Variants in CELF2 observed in about 807,000 individuals in gnomAD.
CELF2 encodes the protein CUG triplet repeat RNA-binding protein 2.
In CELF2, 8 loss-of-function variants were observed where a neutral mutation model predicts 62.6. The ratio of observed to expected loss-of-function variants is 0.13; its 90% CI spans 0.07 to 0.23. The LOEUF (loss-of-function observed/expected upper bound fraction) is 0.23, where lower values mean the gene tolerates loss of function less well. Ranked by LOEUF, CELF2 falls within the 10% of genes least tolerant of loss-of-function variation. The probability of loss-of-function intolerance (pLI) is 1.00; values close to 1 mark genes in which losing one functional copy is unlikely to be tolerated. For missense variants in CELF2, 333 were observed against 671.0 expected (o/e 0.50, Z 5.56); for synonymous variants, 258 against 250.0 (o/e 1.03, Z -0.30).
chr10:10,546,500 T>G, the CELF2 span, among the ~76,000 whole-genome samples: 6 of 152,314 alleles, frequency 3.9e-5, no homozygotes, highest in Middle Eastern at 3.4e-3. Context: ...GTCTTTAACA[T>G]GTAAACCAAC....
chr10:10,700,938 C>G, the CELF2 span, among the ~76,000 whole-genome samples: 2 of 152,208 alleles, frequency 1.3e-5, no homozygotes, highest in Non-Finnish European at 2.9e-5. Flanking sequence ...CTCTGACTCT[C>G]CTACGCCTCC....
upstream of CELF2, among the ~76,000 whole-genome samples, chr10:10,796,317 G>A (rs540494238): frequency 1.1e-4 from 17 of 152,290 alleles, no homozygotes; most frequent in South Asian, 4.1e-4. Flanking sequence ...AATTAGAACC[G>A]TTCCTAGTAC....
At chr10:11,111,549 T>G (rs2055168634) in intron 1 of CELF2, among the ~76,000 whole-genome samples, 1 of 152,236 alleles carries the variant, frequency 6.6e-6, no homozygotes, top group African/African-American at 2.4e-5. Context: ...GATTTATGTT[T>G]CTTTTTTTTT....
rs2094533903 is a variant in CELF2 at position 11,311,004 on chromosome 10, G to A, written c.977-3135G>A. Among the ~76,000 whole-genome samples, 3 of 152,112 alleles carry A rather than the reference G, an allele frequency of 2.0e-5. No individual in the cohort carries two copies. Among genetic ancestry groups the A allele is most frequent in the African/African-American group, 7.2e-5 (3 of 41,404 alleles). ...GTGAACCGAATAAATTCTAATAACT[G>A]TTCGCACAGCTTTCCCAACCATAAG... is the stretch of plus-strand genomic sequence containing the variant. On this transcript the variant is annotated intron_variant, in intron 9 of 12. Coordinates refer to ENST00000633077, the MANE Select transcript of CELF2 (RefSeq NM_001326342.2). The surrounding 1 kb of genome is among the most constrained non-coding windows in gnomAD (Gnocchi z 4.7).
rs1327064990 is a variant in CELF2, at chr10:11,178,649, G to A, written c.271+12967G>A. ...AAATAAATGTGTGACAGCTTAAGAG[G>A]CGAAAAGAAGAGTCTTCGTCAAATG... On this transcript the variant is annotated intron_variant, in intron 2 of 12. Coordinates refer to ENST00000633077, the MANE Select transcript of CELF2 (RefSeq NM_001326342.2). The surrounding 1 kb of genome is among the most constrained non-coding windows in gnomAD (Gnocchi z 4.3). 1.3e-5 allele frequency among the ~76,000 whole-genome samples: 2 copies of A among 152,194 alleles called. No homozygotes were observed. Among genetic ancestry groups the A allele is most frequent in the East Asian group, 1.9e-4 (1 of 5,198 alleles).
At position 11,324,972 on chromosome 10, in the gene CELF2, A is replaced by G. The variant is rs2095646854; in HGVS notation, c.1295-864A>G. ...AGCCAGCCCTCATCTCCCTCAGCTC[A>G]TATTTATGCCCTTTTGTGCCGCTTT... On this transcript the variant is annotated intron_variant, in intron 11 of 12. Transcript: ENST00000633077. The surrounding 1 kb of genome is among the most constrained non-coding windows in gnomAD (Gnocchi z 4.7). Among the ~76,000 whole-genome samples the G allele has an allele frequency of 6.6e-6, 1 of 152,072 alleles. No homozygotes were observed. Among genetic ancestry groups the G allele is most frequent in the Non-Finnish European group, 1.5e-5 (1 of 68,018 alleles).
the CELF2 span, among the ~76,000 whole-genome samples, chr10:10,735,037 G>A: frequency 3.9e-5 from 6 of 152,182 alleles, no homozygotes; most frequent in African/African-American, 1.2e-4. Context: ...GGTATTTTGG[G>A]AAATTCATCT....
At chr10:10,576,611 A>G in the CELF2 span, among the ~76,000 whole-genome samples, 3 of 152,068 alleles carry the variant, frequency 2.0e-5, no homozygotes, top group Non-Finnish European at 4.4e-5. Flanking sequence ...CCACCATTGT[A>G]CTTTTACCCA....
the CELF2 span, among the ~76,000 whole-genome samples, chr10:10,504,125 CT>C: frequency 6.6e-6 from 1 of 152,056 alleles, no homozygotes; most frequent in Non-Finnish European, 1.5e-5. Context: ...ATTTTTAAAA[CT>C]TAAGGAAATC....
Position 11,305,370 on chromosome 10 carries a change from GC to G in CELF2, c.977-8766del, listed in dbSNP as rs1036913593. 8.5e-5 allele frequency among the ~76,000 whole-genome samples: 13 copies of G among 152,160 alleles called. No homozygotes were observed. The highest frequency in any genetic ancestry group is 3.1e-4 in the African/African-American group (13 of 41,430). ...CTCATGCCCACACCTGGGTGCCGGC[GC>G]CCATCCTGCATCCCTCACGGGTACA... is the stretch of plus-strand genomic sequence containing the variant. On this transcript the variant is annotated intron_variant, in intron 9 of 12. Coordinates refer to ENST00000633077, the MANE Select transcript of CELF2 (RefSeq NM_001326342.2). This position sits in a 1 kb window ranked among gnomAD's most constrained non-coding sequence, Gnocchi z 4.8.
At chr10:10,482,436 T>A in the CELF2 span, among the ~76,000 whole-genome samples, 1 of 152,218 alleles carries the variant, frequency 6.6e-6, no homozygotes. Context: ...CTGTAAATGG[T>A]CAAATCAATG....
rs2054766613 is a variant in CELF2, at chr10:11,110,216, T to C, written c.75-55270T>C. Among the ~76,000 whole-genome samples the C allele has an allele frequency of 6.6e-6, 1 of 152,044 alleles. No individual in the cohort carries two copies. On this transcript the variant is annotated intron_variant, in intron 1 of 12. Transcript: ENST00000633077. The surrounding 1 kb of genome is among the most constrained non-coding windows in gnomAD (Gnocchi z 4.0). ...TTGAGCCTGAGAGGTCAAGGCTGCA[T>C]GGAACCCTGAACGTCCTACCGCACT...
intron 2 of CELF2, among the ~76,000 whole-genome samples, chr10:10,966,320 A>G (rs2050117863): frequency 6.6e-6 from 1 of 152,218 alleles, no homozygotes; most frequent in Non-Finnish European, 1.5e-5. Flanking sequence ...AGCTGGGTCA[A>G]TGAGTGTGGT....
At chr10:11,063,049 G>A (rs1034900742) in intron 1 of CELF2, among the ~76,000 whole-genome samples, 5 of 152,158 alleles carry the variant, frequency 3.3e-5, no homozygotes, top group African/African-American at 1.2e-4. Context: ...TTTTAGCAAT[G>A]CTGTATTTTA....
intron 1 of CELF2, among the ~76,000 whole-genome samples, chr10:10,891,482 A>G (rs1191767594): frequency 6.6e-6 from 1 of 151,884 alleles, no homozygotes; most frequent in Non-Finnish European, 1.5e-5. Flanking sequence ...CAGATGCAAT[A>G]CTAGATACTT....
the CELF2 span, among the ~76,000 whole-genome samples, chr10:10,699,120 T>C: frequency 2.6e-5 from 4 of 152,190 alleles, no homozygotes; most frequent in Non-Finnish European, 5.9e-5. Context: ...CACAGAATTT[T>C]TTTGAGGAAC....
intron 8 of CELF2, among the ~76,000 whole-genome samples, chr10:11,276,125 T>C (rs2085999554): frequency 6.6e-6 from 1 of 152,228 alleles, no homozygotes; most frequent in Non-Finnish European, 1.5e-5. Flanking sequence ...TTTAAATATG[T>C]ATCCTTGGGG....
At chr10:10,525,236 T>C in the CELF2 span, among the ~76,000 whole-genome samples, 1 of 152,208 alleles carries the variant, frequency 6.6e-6, no homozygotes, top group African/African-American at 2.4e-5. Context: ...CAGTTCATTC[T>C]TCCTGCCTTA....
At chr10:10,478,017 C>T in the CELF2 span, among the ~76,000 whole-genome samples, 3 of 152,272 alleles carry the variant, frequency 2.0e-5, no homozygotes, top group African/African-American at 7.2e-5. Flanking sequence ...TCACTTCTTA[C>T]TGTTGAGTCA....
Sources: allele counts gnomAD v4.1 joint callset (sites outside exome capture counted in the v4.1 genomes callset), GRCh38; gene constraint gnomAD v4.1.1; non-coding constraint Gnocchi (gnomAD v3.1); transcripts MANE v1.5; gene names NCBI Gene and HGNC (gene_info 2026-07-23, HGNC 2026-07-21).